The following HTR4 variants were observed in gnomAD, a reference collection of about 807,000 sequenced individuals.
HTR4 encodes 5-hydroxytryptamine receptor 4, also known as 5-hydroxytryptamine (serotonin) receptor 4, G protein-coupled.
Under a neutral mutation model 36.8 loss-of-function variants are expected in HTR4, and 16 were observed. The ratio of observed to expected loss-of-function variants is 0.43; its 90% confidence interval spans 0.29 to 0.66. The LOEUF is 0.66. HTR4 is among the 30% of genes least tolerant of loss of function. HTR4 has a pLI of 0.13. For synonymous variants in HTR4, 189 were observed against 185.1 expected (o/e 1.02, Z -0.17); for missense variants, 438 against 490.9 (o/e 0.89, Z 1.02).
intron 2 of HTR4, among the ~76,000 whole-genome samples, chr5:148,588,579 GCCGGA>G (rs1426131473): frequency 1.4e-5 from 2 of 142,074 alleles, no homozygotes; most frequent in Admixed American, 7.4e-5. Flanking sequence ...TGTCGCCCAG[GCCGGA>G]CTGCGGACTG....
intron 2 of HTR4, among the ~76,000 whole-genome samples, chr5:148,615,556 G>A (rs1453603591): frequency 6.8e-6 from 1 of 146,450 alleles, no homozygotes; most frequent in African/African-American, 2.5e-5. Context: ...GGGAGGGATA[G>A]CATTGGGAGA....
intron 1 of HTR4, among the ~76,000 whole-genome samples, chr5:148,643,062 A>C (rs927776335): frequency 1.3e-5 from 2 of 152,234 alleles, no homozygotes; most frequent in Non-Finnish European, 2.9e-5. Context: ...AGTCCTAAAT[A>C]AAAAGTTTAT....
rs548328559 is a variant in HTR4, at chr5:148,649,862, T to C, written c.-48+4200A>G. ...CATTCTAAAAATCCAGGTGGCTGCA[T>C]TGTGAGTTTCATTTTCGTTCTTTAG... On this transcript the variant is annotated intron_variant, in intron 1 of 6. Transcript: ENST00000377888. Among the ~76,000 whole-genome samples the C allele has an allele frequency of 2.0e-5, 3 of 152,314 alleles. No homozygotes were observed. In the South Asian group the frequency reaches 6.2e-4, roughly 32 times the overall value.
At chr5:148,503,943 A>G (rs1336706125) in intron 6 of HTR4, among the ~76,000 whole-genome samples, 1 of 152,260 alleles carries the variant, frequency 6.6e-6, no homozygotes, top group Admixed American at 6.5e-5. Context: ...AGGAGAGCTA[A>G]CTATCCTAAA....
intron 4 of HTR4, among the ~76,000 whole-genome samples, chr5:148,534,437 C>CCAGG (rs1456928384): frequency 6.6e-6 from 1 of 152,220 alleles, no homozygotes; most frequent in Non-Finnish European, 1.5e-5. Flanking sequence ...TATCTCCTCA[C>CCAGG]CAGGCAGGTC....
At chr5:148,494,472 G>C (rs1756596413) in intron 6 of HTR4, among the ~76,000 whole-genome samples, 1 of 151,994 alleles carries the variant, frequency 6.6e-6, no homozygotes, top group Admixed American at 6.5e-5. Flanking sequence ...CATTCTCTTT[G>C]CCTCTTACTC....
chr5:148,581,805 G>A (rs1206543262), intron 2 of HTR4, among the ~76,000 whole-genome samples: 1 of 151,976 alleles, frequency 6.6e-6, no homozygotes, highest in African/African-American at 2.4e-5. Context: ...ATTCAAAATT[G>A]TCTTGACTAT....
downstream of HTR4, among the ~76,000 whole-genome samples, chr5:148,474,870 A>AC (rs201565661): frequency 2.7e-3 from 415 of 152,090 alleles, 1 homozygote; most frequent in African/African-American, 9.3e-3. Flanking sequence ...ACACGGTGAA[A>AC]CCCCATCTCT....
At chr5:148,616,543 CT>C (rs1581552167) in intron 2 of HTR4, among the ~76,000 whole-genome samples, 1 of 152,122 alleles carries the variant, frequency 6.6e-6, no homozygotes, top group Admixed American at 6.6e-5. Context: ...TCTTCAGTTG[CT>C]GTGATAATAT....
intron 2 of HTR4, among the ~76,000 whole-genome samples, chr5:148,604,645 C>T (rs569802155): frequency 6.6e-6 from 1 of 152,264 alleles, no homozygotes; most frequent in Admixed American, 6.5e-5. Context: ...GTGTTGCATT[C>T]ATCCAATGGA....
At chr5:148,503,332 A>G (rs555082915) in intron 6 of HTR4, among the ~76,000 whole-genome samples, 2 of 152,340 alleles carry the variant, frequency 1.3e-5, no homozygotes, top group South Asian at 2.1e-4. Context: ...GGTGGGGGCC[A>G]ATATTCAACA....
chr5:148,504,532 G>C (rs1033545117), intron 6 of HTR4, among the ~76,000 whole-genome samples: 3 of 152,152 alleles, frequency 2.0e-5, no homozygotes, highest in African/African-American at 7.2e-5. Context: ...ATGCCCACAA[G>C]AGAAAGCAGG....
intron 2 of HTR4, among the ~76,000 whole-genome samples, chr5:148,619,080 A>G (rs1178209324): frequency 6.6e-6 from 1 of 152,178 alleles, no homozygotes; most frequent in Non-Finnish European, 1.5e-5. Context: ...TGAGGGAGGA[A>G]AGAAGGAAGA....
intron 6 of HTR4, chr5:148,490,730 G>T (rs1756378263): frequency 1.6e-6 from 2 of 1,267,418 alleles, no homozygotes; most frequent in Non-Finnish European, 2.0e-6. Flanking sequence ...TCCCTAGTAA[G>T]GCAATCCATT....
At chr5:148,560,808 T>C (rs1161645495) in intron 2 of HTR4, among the ~76,000 whole-genome samples, 1 of 152,140 alleles carries the variant, frequency 6.6e-6, no homozygotes, top group African/African-American at 2.4e-5. Flanking sequence ...TTATTGCAAG[T>C]CCAGTATTTC....
intron 2 of HTR4, among the ~76,000 whole-genome samples, chr5:148,616,956 C>T (rs1752715740): frequency 6.6e-6 from 1 of 152,176 alleles, no homozygotes; most frequent in South Asian, 2.1e-4. Context: ...TTGCATTTTC[C>T]TGTTAATCAC....
rs540458890 is a variant in HTR4 at position 148,615,708 on chromosome 5, G to GAAAGA, written c.26+21280_26+21281insTCTTT. On this transcript the variant is annotated intron_variant, in intron 2 of 6. Transcript: ENST00000377888. ...TTAAAAAAATAAAGAAAGAAAGAAA[G>GAAAGA]AAATAAAATAAAATAAAATAAAATA... Among the ~76,000 whole-genome samples, 540 of 145,510 alleles carry GAAAGA rather than the reference G, an allele frequency of 3.7e-3. 8 individuals carry two copies. The highest frequency in any genetic ancestry group is 4.0e-3 in the African/African-American group (157 of 39,274).
At chr5:148,529,160 A>T (rs1190522115) in intron 4 of HTR4, among the ~76,000 whole-genome samples, 1 of 151,924 alleles carries the variant, frequency 6.6e-6, no homozygotes, top group East Asian at 1.9e-4. Context: ...ACCTCCTATC[A>T]TTTCACTCAG....
chr5:148,621,397 C>A (rs1752913471), intron 2 of HTR4, among the ~76,000 whole-genome samples: 2 of 152,316 alleles, frequency 1.3e-5, no homozygotes, highest in South Asian at 4.1e-4. Flanking sequence ...TCTTTTCCAA[C>A]CCTATGAGCC....
Sources: gnomAD v4.1 joint callset for allele counts (sites outside exome capture counted in the v4.1 genomes callset) on GRCh38, gnomAD v4.1.1 for gene constraint, MANE v1.5 for transcripts, NCBI Gene and HGNC (gene_info 2026-07-23, HGNC 2026-07-21) for gene names.